The following PKP1 variants were observed in gnomAD, a reference collection of about 807,000 sequenced individuals.
PKP1 encodes plakophilin-1.
A neutral mutation model predicts 76.4 loss-of-function variants in PKP1; 27 were observed. That is an observed-to-expected ratio of 0.35 (90% confidence interval 0.26 to 0.49). The LOEUF is 0.49. Among genes scored for constraint, PKP1 ranks in the 20% least tolerant of loss-of-function variants. The pLI is 0.99. For missense variants in PKP1, 964 were observed against 955.2 expected (o/e 1.01, Z -0.12); for synonymous variants, 404 against 384.2 (o/e 1.05, Z -0.60).
chr1:201,304,316 T>C lies in PKP1; in HGVS notation c.307-8850T>C, dbSNP rs527735331. On this transcript the variant is annotated intron_variant, in intron 2 of 13. Coordinates refer to ENST00000367324, the MANE Select transcript of PKP1 (RefSeq NM_001005337.3). ...CCAGCTTTAACACTAGTCCCTGTTT[T>C]CTCAGCCCCAGTTGTGTGTGCTCAG... is the stretch of plus-strand genomic sequence containing the variant. 1.3e-3 allele frequency among the ~76,000 whole-genome samples: 194 copies of C among 152,318 alleles called. 1 individual carries two copies. The highest frequency in any genetic ancestry group is 1.3e-3 in the Non-Finnish European group (87 of 68,034).
intron 2 of PKP1, among the ~76,000 whole-genome samples, chr1:201,297,796 G>A (rs1656117841): frequency 6.6e-6 from 1 of 152,114 alleles, no homozygotes; most frequent in Non-Finnish European, 1.5e-5. Context: ...CCTCCAACCA[G>A]GCCTACTCTC....
At chr1:201,307,574 G>A (rs1023041425) in intron 2 of PKP1, among the ~76,000 whole-genome samples, 2 of 152,192 alleles carry the variant, frequency 1.3e-5, no homozygotes, top group African/African-American at 2.4e-5. Context: ...AACCCCTAGA[G>A]AGGGTAGAGC....
intron 13 of PKP1, among the ~76,000 whole-genome samples, chr1:201,329,447 T>C (rs796226711): frequency 3.9e-5 from 6 of 152,342 alleles, no homozygotes; most frequent in African/African-American, 1.4e-4. Context: ...TCTGACTCAA[T>C]AGCCCTGGAG....
chr1:201,300,771 C>T (rs1010780610), intron 2 of PKP1, among the ~76,000 whole-genome samples: 3 of 152,170 alleles, frequency 2.0e-5, no homozygotes, highest in African/African-American at 7.2e-5. Flanking sequence ...GGACACGGTT[C>T]CAGTGAACAA....
chr1:201,316,890 T>G lies in PKP1; in HGVS notation c.846+193T>G, dbSNP rs114718917. On this transcript the variant is annotated intron_variant, in intron 4 of 13. Coordinates refer to ENST00000367324, the MANE Select transcript of PKP1 (RefSeq NM_001005337.3). ...TTTCTGCAGAGCAAAGCCCTCTGTT[T>G]AAGTGGACATTAGGCAGGTACAATT... Among the ~76,000 whole-genome samples, 656 of 152,344 alleles carry G rather than the reference T, an allele frequency of 4.3e-3. 6 individuals are homozygous for G. The highest frequency in any genetic ancestry group is 0.015 in the African/African-American group (606 of 41,580).
chr1:201,292,740 G>A (rs16848250), intron 1 of PKP1, among the ~76,000 whole-genome samples: 8,685 of 152,240 alleles, frequency 0.057, 327 homozygotes, highest in Middle Eastern at 0.15. Context: ...TCTGACCATC[G>A]CTTTAGAGAA....
intron 2 of PKP1, among the ~76,000 whole-genome samples, chr1:201,312,476 C>A (rs1656584511): frequency 1.3e-5 from 2 of 152,204 alleles, no homozygotes; most frequent in Non-Finnish European, 2.9e-5. Context: ...TCCAACTCCC[C>A]CTCCTGGACT....
chr1:201,310,039 C>G (rs949758068), intron 2 of PKP1, among the ~76,000 whole-genome samples: 3 of 152,200 alleles, frequency 2.0e-5, no homozygotes, highest in Non-Finnish European at 4.4e-5. Flanking sequence ...GGCTCTGATA[C>G]TGGTGCATAC....
At chr1:201,299,135 A>G (rs41525050) in intron 2 of PKP1, among the ~76,000 whole-genome samples, 2,527 of 152,314 alleles carry the variant, frequency 0.017, 66 homozygotes, top group African/African-American at 0.058. Context: ...TGTCCTTACC[A>G]ATCCGCAGTC....
chr1:201,299,882 T>C (rs931027197), intron 2 of PKP1, among the ~76,000 whole-genome samples: 2 of 152,224 alleles, frequency 1.3e-5, no homozygotes, highest in African/African-American at 4.8e-5. Context: ...ACTTTCTAGG[T>C]GTATGAGCTG....
At chr1:201,321,549 GCTT>G (rs928682649) in intron 7 of PKP1, among the ~76,000 whole-genome samples, 3 of 152,126 alleles carry the variant, frequency 2.0e-5, no homozygotes, top group African/African-American at 7.2e-5. Context: ...GAGGCATGGG[GCTT>G]CTTCTGGAGG....
At chr1:201,319,562 G>A (rs983485756) in intron 6 of PKP1, among the ~76,000 whole-genome samples, 4 of 152,224 alleles carry the variant, frequency 2.6e-5, no homozygotes, top group Non-Finnish European at 5.9e-5. Context: ...CAGAGAGGCT[G>A]GGGAGATGAA....
rs1278620132 is a variant in PKP1, at chr1:201,317,725, G to A, written c.1000G>A (p.Ala334Thr). Residue 334 changes from alanine (A) to threonine (T), a missense_variant, in exon 5 of 14, where the codon GCA (alanine) becomes ACA (threonine). Ala to Thr is a moderately conservative substitution (Grantham distance 58). Transcript: ENST00000367324. ...ETRRQNGIREAVSLLRRTGNA... is the reference protein window; with the variant it reads ...ETRRQNGIRETVSLLRRTGNA... ...CCGGAGGCAGAATGGGATCCGCGAGGCAGTCAGCCTCCTGAGGAGAACCGG... is the reference window on the plus strand; with the variant it reads ...CCGGAGGCAGAATGGGATCCGCGAGACAGTCAGCCTCCTGAGGAGAACCGG... 2.5e-6 allele frequency: 4 copies of A among 1,613,830 alleles called. No homozygotes were observed. The highest frequency in any genetic ancestry group is 2.2e-5 in the South Asian group (2 of 91,074).
At position 201,319,827 on chromosome 1, in the gene PKP1, G is replaced by A. The variant is rs1626370; in HGVS notation, c.1233-440G>A. 0.2 allele frequency: 325,879 copies of A among 1,612,898 alleles called. 34,306 individuals carry two copies. The highest frequency in any genetic ancestry group is 0.23 in the East Asian group (10,517 of 44,844). On this transcript the variant is annotated intron_variant, in intron 6 of 13. Transcript: ENST00000367324. ...TTCCTGTCCCACAGAAAGAGACTGG[G>A]CATGCGGGAGCTTCTGGCTCTTGTT...
At chr1:201,329,150 G>T (rs1429147916) in intron 13 of PKP1, among the ~76,000 whole-genome samples, 2 of 152,182 alleles carry the variant, frequency 1.3e-5, no homozygotes, top group Non-Finnish European at 2.9e-5. Context: ...GAACAACACA[G>T]GTGGTGCCCT....
intron 1 of PKP1, among the ~76,000 whole-genome samples, chr1:201,292,168 G>C (rs1162132080): frequency 2.6e-5 from 4 of 152,166 alleles, no homozygotes; most frequent in African/African-American, 9.7e-5. Context: ...TTTGATGTCT[G>C]CCCTTCTTCC....
At chr1:201,297,849 C>T (rs2102158473) in intron 2 of PKP1, among the ~76,000 whole-genome samples, 1 of 152,316 alleles carries the variant, frequency 6.6e-6, no homozygotes, top group African/African-American at 2.4e-5. Flanking sequence ...AGGAGAGAAG[C>T]TCTGTTTTTC....
At chr1:201,316,832 G>T in intron 4 of PKP1, 135 bp downstream of exon 4, 1 of 916,504 alleles carries the variant, frequency 1.1e-6, no homozygotes, top group Non-Finnish European at 1.7e-6. Context: ...AGGAGCCTTC[G>T]CATTGCCCAA....
chr1:201,325,270 G>A, intron 11 of PKP1, 143 bp downstream of exon 11: 2 of 847,054 alleles, frequency 2.4e-6, no homozygotes, highest in South Asian at 3.0e-5. Flanking sequence ...AGGCTTGAAT[G>A]GAGGAGAAGT....
Sources: allele counts gnomAD v4.1 joint callset (sites outside exome capture counted in the v4.1 genomes callset), GRCh38; gene constraint gnomAD v4.1.1; transcripts MANE v1.5; gene names NCBI Gene and HGNC (gene_info 2026-07-23, HGNC 2026-07-21).